The following PARD3B variants were observed in gnomAD, a reference collection of about 807,000 sequenced individuals.
The protein encoded by PARD3B is partitioning defective 3 homolog B.
In PARD3B, 103 loss-of-function variants were observed where a neutral mutation model predicts 130.2. That is an observed-to-expected ratio of 0.79 (90% CI 0.67 to 0.93). The LOEUF is 0.93. Ranked by LOEUF, PARD3B falls within the 40% of genes least tolerant of loss-of-function variation. The pLI is 0.00. For missense variants in PARD3B, 1,609 were observed against 1,499.2 expected (o/e 1.07, Z -1.21); for synonymous variants, 583 against 553.2 (o/e 1.05, Z -0.76).
chr2:205,266,653 C>T (rs1459084106), intron 16 of PARD3B, among the ~76,000 whole-genome samples: 7 of 152,158 alleles, frequency 4.6e-5, no homozygotes, highest in Non-Finnish European at 8.8e-5. Context: ...GACCTTTCTC[C>T]CTTGCTTCAC....
intron 2 of PARD3B, among the ~76,000 whole-genome samples, chr2:204,817,031 T>A (rs1271370180): frequency 6.6e-6 from 1 of 152,154 alleles, no homozygotes; most frequent in Non-Finnish European, 1.5e-5. Flanking sequence ...CCAGTGCATT[T>A]TTCATCCAAC....
chr2:205,528,710 T>C (rs2051447467), intron 21 of PARD3B, among the ~76,000 whole-genome samples: 2 of 152,158 alleles, frequency 1.3e-5, no homozygotes, highest in African/African-American at 4.8e-5. Flanking sequence ...CAGGATGGTC[T>C]CAATCTCTTG....
chr2:204,884,253 T>C (rs973711577), intron 2 of PARD3B, among the ~76,000 whole-genome samples: 12 of 152,112 alleles, frequency 7.9e-5, no homozygotes, highest in Non-Finnish European at 1.2e-4. Context: ...AAATTTGAAA[T>C]GTTACCATTG....
chr2:205,350,572 C>A, intron 18 of PARD3B, among the ~76,000 whole-genome samples: 1 of 152,166 alleles, frequency 6.6e-6, no homozygotes, highest in East Asian at 1.9e-4. Flanking sequence ...CTTTTATGAG[C>A]ACTTTCCAAA....
chr2:205,595,373 CG>C (rs1257935452), intron 22 of PARD3B, among the ~76,000 whole-genome samples: 2 of 152,170 alleles, frequency 1.3e-5, no homozygotes, highest in Admixed American at 6.5e-5. Flanking sequence ...ATGGGGCAAA[CG>C]GTAAATAACA....
At chr2:204,908,649 A>C (rs766646775) in intron 2 of PARD3B, among the ~76,000 whole-genome samples, 2 of 152,204 alleles carry the variant, frequency 1.3e-5, no homozygotes, top group Admixed American at 1.3e-4. Context: ...AATGGAAATA[A>C]TGTTGTACTG....
At chr2:204,721,784 T>C (rs1430918647) in intron 2 of PARD3B, among the ~76,000 whole-genome samples, 1 of 152,178 alleles carries the variant, frequency 6.6e-6, no homozygotes, top group African/African-American at 2.4e-5. Context: ...ATATTTGAAT[T>C]GATTTTACAT....
At chr2:205,486,644 G>T (rs375356617) in intron 20 of PARD3B, among the ~76,000 whole-genome samples, 1 of 152,124 alleles carries the variant, frequency 6.6e-6, no homozygotes, top group Non-Finnish European at 1.5e-5. Context: ...AGGAGGAAGA[G>T]AGTGGGTTGG....
chr2:205,432,908 A>C (rs554911886), intron 19 of PARD3B, among the ~76,000 whole-genome samples: 16 of 152,324 alleles, frequency 1.1e-4, no homozygotes, highest in South Asian at 8.3e-4. Flanking sequence ...TGATGTTGAC[A>C]ATACAAATCA....
rs1232108760 is a variant in PARD3B at position 205,183,572 on chromosome 2, CT to C, written c.1925-2191del. On this transcript the variant is annotated intron_variant, in intron 13 of 22. Transcript: ENST00000406610. The surrounding 1 kb of genome is among the most constrained non-coding windows in gnomAD (Gnocchi z 5.2). Reference sequence around the variant, plus strand: ...GCGCTGCCTTTGTGCTTCTTTCCCCCTGGTCACCTACTTAGCAGGTCTGCTT... The same window carrying C: ...GCGCTGCCTTTGTGCTTCTTTCCCCCGGTCACCTACTTAGCAGGTCTGCTT... Among the ~76,000 whole-genome samples the C allele has an allele frequency of 1.3e-5, 2 of 152,136 alleles. No homozygotes were observed. The highest frequency in any genetic ancestry group is 6.5e-5 in the Admixed American group (1 of 15,278).
intron 1 of PARD3B, among the ~76,000 whole-genome samples, chr2:204,618,563 C>A (rs1460034694): frequency 6.6e-6 from 1 of 152,156 alleles, no homozygotes; most frequent in Non-Finnish European, 1.5e-5. Context: ...CTCTTAACTC[C>A]TAGAAACATT....
intron 15 of PARD3B, among the ~76,000 whole-genome samples, chr2:205,194,172 A>G (rs7560521): frequency 0.24 from 36,044 of 152,160 alleles, 5,495 homozygotes; most frequent in African/African-American, 0.44. Context: ...GGCATATTAT[A>G]TATTTCTTTA....
At chr2:205,100,214 C>CCATTTAGAG (rs1290551460) in intron 4 of PARD3B, among the ~76,000 whole-genome samples, 1 of 151,562 alleles carries the variant, frequency 6.6e-6, no homozygotes, top group African/African-American at 2.4e-5. Flanking sequence ...CAACAAAGTT[C>CCATTTAGAG]CATTTAGAGT....
rs184112000 is a variant in PARD3B, at chr2:204,959,108, G to A, written c.223-6044G>A. On this transcript the variant is annotated intron_variant, in intron 2 of 22. Coordinates refer to ENST00000406610, the MANE Select transcript of PARD3B (RefSeq NM_001302769.2). ...CCTCTGCATGCATTAGGTGTTTGTC[G>A]TGATGCTCTCCCTCCCCTTTCCCGC... Among the ~76,000 whole-genome samples the A allele has an allele frequency of 3.4e-4, 51 of 151,984 alleles. No homozygotes were observed. The East Asian group carries it at 5.6e-3, about 17-fold the overall frequency.
At chr2:204,546,691 C>T (rs2029964092) in intron 1 of PARD3B, among the ~76,000 whole-genome samples, 1 of 152,178 alleles carries the variant, frequency 6.6e-6, no homozygotes, top group African/African-American at 2.4e-5. Context: ...TTTGCTTAGC[C>T]AACCTGTCTA....
intron 1 of PARD3B, among the ~76,000 whole-genome samples, chr2:204,556,903 C>G (rs2030959664): frequency 6.6e-6 from 1 of 151,834 alleles, no homozygotes; most frequent in Non-Finnish European, 1.5e-5. Context: ...CTGTTTTCAA[C>G]AAAATTATCA....
rs995708120 is a variant in PARD3B, at chr2:205,339,985, T to A, written c.2630+38284T>A. 3.9e-4 allele frequency among the ~76,000 whole-genome samples: 59 copies of A among 152,118 alleles called. 1 individual carries two copies. Among genetic ancestry groups the A allele is most frequent in the African/African-American group, 1.4e-3 (56 of 41,428 alleles). ...ATCTTTTTAAAATCTAAGATGAACT[T>A]TGAAACAATTATGTGTGTCCTAAAA... On this transcript the variant is annotated intron_variant, in intron 18 of 22. Transcript: ENST00000406610.
At chr2:204,740,766 A>C (rs2039975071) in intron 2 of PARD3B, among the ~76,000 whole-genome samples, 1 of 152,236 alleles carries the variant, frequency 6.6e-6, no homozygotes, top group South Asian at 2.1e-4. Flanking sequence ...CAGGGTGCAC[A>C]GATTTCATAC....
chr2:204,832,642 T>C (rs1321979613), intron 2 of PARD3B, among the ~76,000 whole-genome samples: 2 of 152,156 alleles, frequency 1.3e-5, no homozygotes, highest in Non-Finnish European at 2.9e-5. Flanking sequence ...GAGTGGAATC[T>C]GCAAGAGCCA....
Sources: gnomAD v4.1 joint callset for allele counts (sites outside exome capture counted in the v4.1 genomes callset) on GRCh38, gnomAD v4.1.1 for gene constraint, Gnocchi (gnomAD v3.1) non-coding constraint, MANE v1.5 for transcripts, NCBI Gene and HGNC (gene_info 2026-07-23, HGNC 2026-07-21) for gene names.